NTAN1: variants seen among roughly 807,000 people sequenced by gnomAD.
The protein encoded by NTAN1 is protein N-terminal asparagine amidohydrolase.
NTAN1 carries 32 observed loss-of-function variants against 41.9 expected under a neutral mutation model. The observed-to-expected ratio is 0.76, with a 90% CI of 0.58 to 1.03. The LOEUF is 1.03. Among genes scored for constraint, NTAN1 ranks in the 50% least tolerant of loss-of-function variants. The pLI, the probability that NTAN1 is intolerant of heterozygous loss-of-function variation, is 0.00. For missense variants in NTAN1, 377 were observed against 377.5 expected, an observed-to-expected ratio of 1.00 and a Z score of 0.01; for synonymous variants, 140 against 139.5, an observed-to-expected ratio of 1.00 and a Z score of -0.03.
intron 1 of NTAN1, among the ~76,000 whole-genome samples, chr16:15,054,860 A>G (rs991273576): frequency 7.9e-5 from 12 of 152,210 alleles, no homozygotes; most frequent in African/African-American, 2.9e-4. Flanking sequence ...CAAAATAATC[A>G]CAAACTGTAC....
rs769712930 is a variant in NTAN1, at chr16:15,041,099, G to A, written c.510C>T (p.Asn170=). The part of the protein sequence containing the change: ...CVTELNDREE[N]ENHFPVIYGI... The stretch of plus-strand genomic sequence containing the variant: ...CATATATTACTGGAAAGTGGTTTTC[G>A]TTTTCTTCCCGGTCATTTAATTCTA... The change falls in exon 7 of 10, where the codon AAC becomes AAT. Residue 170 remains asparagine, a synonymous_variant. Coordinates refer to ENST00000287706, the MANE Select transcript of NTAN1 (RefSeq NM_173474.4). 1.9e-6 allele frequency: 3 copies of A among 1,592,700 alleles called. No homozygotes were observed. Among genetic ancestry groups the A allele is most frequent in the South Asian group, 1.1e-5 (1 of 90,646 alleles).
rs990830638 is a variant in NTAN1, at chr16:15,037,858, T to C, written c.*173A>G. 1 of 528,394 alleles carries C rather than the reference T, an allele frequency of 1.9e-6. No homozygotes were observed. Among genetic ancestry groups the C allele is most frequent in the Middle Eastern group, 5.0e-4 (1 of 2,002 alleles). The allele number at this position is 528,394 out of a possible 1,614,324, so 32.7% of individuals were successfully genotyped here. A position where few individuals can be genotyped will look rare whatever the true frequency, so the allele number is the denominator to read the frequency against. ...AAAAAATAAGTCTCAACAAATGCCT[T>C]TGCCAAAATAAGGTTTTATTTTGAA... On this transcript the variant is annotated 3_prime_UTR_variant, in exon 10 of 10. Coordinates refer to ENST00000287706, the MANE Select transcript of NTAN1 (RefSeq NM_173474.4).
At chr16:15,040,150 C>T in intron 7 of NTAN1, 84 bp from the exon 8 acceptor site, 2 of 726,386 alleles carry the variant, frequency 2.8e-6, no homozygotes, top group South Asian at 3.4e-5. Context: ...ACCACCACTC[C>T]TAAGAGAAAG....
chr16:15,042,899 ATTTTTT>A (rs1193801850), intron 5 of NTAN1, among the ~76,000 whole-genome samples: 2 of 121,510 alleles, frequency 1.6e-5, no homozygotes, highest in East Asian at 4.6e-4. Flanking sequence ...TGCCCAGCTA[ATTTTTT>A]TTTTTTTTTT....
chr16:15,044,787 C>T (rs966189157), intron 4 of NTAN1: 5 of 190,492 alleles, frequency 2.6e-5, no homozygotes, highest in Non-Finnish European at 5.4e-5. Context: ...AGTCTTGAGA[C>T]CAGCCTGGCC....
At chr16:15,043,405 A>G (rs1046955729) in intron 5 of NTAN1, among the ~76,000 whole-genome samples, 3 of 152,200 alleles carry the variant, frequency 2.0e-5, no homozygotes, top group Non-Finnish European at 2.9e-5. Flanking sequence ...TCAGCTGGGC[A>G]TGGTGGCATG....
rs776175508 is a variant in NTAN1, at chr16:15,037,993, C to CA, written c.*37dup. ...CGTGCCAGCCCCACCAATGGTCTGTCAGGCCAAGAAGGTGCTTTCTTTGGT... is the reference window on the plus strand; with the variant it reads ...CGTGCCAGCCCCACCAATGGTCTGTCAAGGCCAAGAAGGTGCTTTCTTTGGT... On this transcript the variant is annotated 3_prime_UTR_variant, in exon 10 of 10. Coordinates refer to ENST00000287706, the MANE Select transcript of NTAN1 (RefSeq NM_173474.4). 1 of 1,536,430 alleles carries CA rather than the reference C, an allele frequency of 6.5e-7. No homozygotes were observed. Among genetic ancestry groups the CA allele is most frequent in the African/African-American group, 1.4e-5 (1 of 73,110 alleles).
intron 7 of NTAN1, 81 bp downstream of exon 7, chr16:15,040,987 T>G: frequency 1.1e-6 from 1 of 938,408 alleles, no homozygotes; most frequent in Non-Finnish European, 1.8e-6. Context: ...CTGACAGCAG[T>G]GGGGTCATTG....
In NTAN1 at chr16:15,048,150, A is replaced by G. The variant is rs2044151085; in HGVS notation, c.82-51T>C. On this transcript the variant is annotated intron_variant, in intron 1 of 9. Transcript: ENST00000287706. ...TAGTGATGTAAATTAGTGAGGATGG[A>G]AAAACTAAAGATGTGGAGAGAGCCA... 5 of 1,342,416 alleles carry G rather than the reference A, an allele frequency of 3.7e-6. No homozygotes were observed. In the African/African-American group the frequency reaches 7.3e-5, roughly 20 times the overall value. 83.2% of individuals were successfully genotyped at this position (1,342,416 alleles called of 1,614,324 possible).
intron 1 of NTAN1, among the ~76,000 whole-genome samples, chr16:15,053,571 A>G (rs1473321877): frequency 6.6e-6 from 1 of 152,100 alleles, no homozygotes; most frequent in African/African-American, 2.4e-5. Context: ...TTTCTGTATT[A>G]TTATATTTTG....
chr16:15,056,053 C>T lies in NTAN1; in HGVS notation c.-82G>A, dbSNP rs992240739. The T allele has an allele frequency of 1.8e-4, 103 of 567,770 alleles. No individual in the cohort carries two copies. The highest frequency in any genetic ancestry group is 2.3e-4 in the Non-Finnish European group (98 of 433,294). The allele number at this position is 567,770 out of a possible 1,614,324, so 35.2% of individuals were successfully genotyped here. On this transcript the variant is annotated 5_prime_UTR_variant, in exon 1 of 10. Transcript: ENST00000287706. ...CCCGGGCCGCCCGCCGCCCCCGCCCCTCGGGCCGCGCGTCCCGCCTCGTCC... is the reference window on the plus strand; with the variant it reads ...CCCGGGCCGCCCGCCGCCCCCGCCCTTCGGGCCGCGCGTCCCGCCTCGTCC...
intron 1 of NTAN1, among the ~76,000 whole-genome samples, chr16:15,055,387 G>A (rs577608713): frequency 6.6e-6 from 1 of 152,234 alleles, no homozygotes; most frequent in African/African-American, 2.4e-5. Context: ...CCGGGGGTAG[G>A]GGAGAGAGAG....
chr16:15,039,299 T>A (rs981881659), intron 8 of NTAN1, among the ~76,000 whole-genome samples: 1 of 152,164 alleles, frequency 6.6e-6, no homozygotes, highest in Non-Finnish European at 1.5e-5. Flanking sequence ...GTTAAAAGGG[T>A]TGGCTCCGAA....
chr16:15,043,004 G>A (rs1286314801), intron 5 of NTAN1, among the ~76,000 whole-genome samples: 2 of 151,672 alleles, frequency 1.3e-5, no homozygotes, highest in African/African-American at 4.8e-5. Context: ...GGGTTCAAGC[G>A]GTTCTCCTGC....
At chr16:15,047,145 G>C (rs112908702) in intron 4 of NTAN1, 2 of 419,954 alleles carry the variant, frequency 4.8e-6, no homozygotes, top group Non-Finnish European at 4.3e-6. Flanking sequence ...TACCACACCC[G>C]GGGGAGAGCA....
chr16:15,055,794 GC>G (rs2044487253), intron 1 of NTAN1, 96 bp downstream of exon 1: 1 of 635,590 alleles, frequency 1.6e-6, no homozygotes, highest in African/African-American at 1.9e-5. Flanking sequence ...TGCCAACAGC[GC>G]CAAGTTTCAA....
At chr16:15,041,773 A>C in intron 5 of NTAN1, 97 bp from the exon 6 acceptor site, 2 of 871,594 alleles carry the variant, frequency 2.3e-6, no homozygotes, top group Non-Finnish European at 3.9e-6. Context: ...ACGGCAGCCA[A>C]CTGAGTGTGC....
chr16:15,040,874 A>T (rs2043785648), intron 7 of NTAN1, among the ~76,000 whole-genome samples, 194 bp downstream of exon 7: 1 of 152,162 alleles, frequency 6.6e-6, no homozygotes, highest in African/African-American at 2.4e-5. Flanking sequence ...AGTGAATGTT[A>T]TCTCAGTTTT....
Position 15,047,531 on chromosome 16 carries a change from C to T in NTAN1, c.270G>A (p.Leu90=). The T allele has an allele frequency of 6.2e-7, 1 of 1,613,744 alleles. No individual in the cohort carries two copies. Among genetic ancestry groups the T allele is most frequent in the Non-Finnish European group, 8.5e-7 (1 of 1,179,620 alleles). ...TGGTGTCGGTTCCGTCACAATGTGTCAAGCAGGTGGCCCCATTACCTGAAG... is the reference window on the plus strand; with the variant it reads ...TGGTGTCGGTTCCGTCACAATGTGTTAAGCAGGTGGCCCCATTACCTGAAG... ...LRHTGNGATC[L]THCDGTDTKA... Residue 90 remains leucine, a synonymous_variant, in exon 4 of 10, where the codon TTG becomes TTA. Transcript: ENST00000287706.
Sources: allele counts gnomAD v4.1 joint callset (sites outside exome capture counted in the v4.1 genomes callset), GRCh38; gene constraint gnomAD v4.1.1; transcripts MANE v1.5; gene names NCBI Gene and HGNC (gene_info 2026-07-23, HGNC 2026-07-21).